GSG1L: variants seen among roughly 807,000 people sequenced by gnomAD.
GSG1L encodes the protein GSG1 like.
GSG1L carries 24 observed loss-of-function variants against 42.1 expected under a neutral mutation model. The ratio of observed to expected loss-of-function variants is 0.57; its 90% CI spans 0.41 to 0.80. The LOEUF is 0.80. Ranked by LOEUF, GSG1L falls within the 30% of genes least tolerant of loss-of-function variation. The pLI is 0.00. For synonymous variants in GSG1L, 215 were observed against 203.5 expected, an observed-to-expected ratio of 1.06 and a Z score of -0.48; for missense variants, 445 against 472.2, an observed-to-expected ratio of 0.94 and a Z score of 0.53.
intron 5 of GSG1L, among the ~76,000 whole-genome samples, chr16:27,810,716 C>T (rs1178403540): frequency 6.6e-6 from 1 of 151,238 alleles, no homozygotes; most frequent in Non-Finnish European, 1.5e-5. Context: ...TAGATGGAGT[C>T]TCACTCTGTT....
chr16:27,791,513 C>G, intron 6 of GSG1L, 46 bp from the exon 7 acceptor site: 1 of 1,332,290 alleles, frequency 7.5e-7, no homozygotes, highest in Non-Finnish European at 1.0e-6. Flanking sequence ...CCTTCCTCCA[C>G]CCACATCCTG....
At chr16:27,933,703 G>T (rs1311453809) in intron 2 of GSG1L, among the ~76,000 whole-genome samples, 1 of 146,726 alleles carries the variant, frequency 6.8e-6, no homozygotes, top group Non-Finnish European at 1.5e-5. Flanking sequence ...TAAAAAGTCT[G>T]AAGACTTCTT....
intron 1 of GSG1L, among the ~76,000 whole-genome samples, chr16:28,014,733 A>G (rs1052021561): frequency 4.2e-5 from 6 of 142,336 alleles, no homozygotes; most frequent in Non-Finnish European, 9.0e-5. Flanking sequence ...TCCTAGGCTC[A>G]GGCAATCCTC....
intron 1 of GSG1L, among the ~76,000 whole-genome samples, chr16:28,018,467 C>T (rs1469772217): frequency 6.6e-6 from 1 of 152,166 alleles, no homozygotes; most frequent in Non-Finnish European, 1.5e-5. Context: ...CATATGCCCC[C>T]ACATCCTTCC....
chr16:27,864,683 G>C (rs1236361296), intron 3 of GSG1L, among the ~76,000 whole-genome samples: 1 of 152,202 alleles, frequency 6.6e-6, no homozygotes, highest in Non-Finnish European at 1.5e-5. Flanking sequence ...GACAACCAGA[G>C]CCCAGACATG....
At chr16:27,856,701 A>G (rs1363155044) in intron 3 of GSG1L, among the ~76,000 whole-genome samples, 1 of 152,154 alleles carries the variant, frequency 6.6e-6, no homozygotes, top group African/African-American at 2.4e-5. Flanking sequence ...TCCAGTGGTG[A>G]TCTGAAGGTT....
At chr16:28,047,729 G>T (rs544202830) in intron 1 of GSG1L, among the ~76,000 whole-genome samples, 15 of 152,154 alleles carry the variant, frequency 9.9e-5, no homozygotes, top group Non-Finnish European at 1.8e-4. Context: ...CTTGACAAAA[G>T]ATAAAATCCA....
intron 2 of GSG1L, among the ~76,000 whole-genome samples, chr16:27,958,605 C>G (rs926700258): frequency 1.3e-5 from 2 of 152,006 alleles, no homozygotes; most frequent in East Asian, 3.9e-4. Flanking sequence ...CCAAACCATT[C>G]ATATTAAATA....
intron 1 of GSG1L, among the ~76,000 whole-genome samples, chr16:27,965,678 G>A (rs1015492864): frequency 1.3e-5 from 2 of 152,102 alleles, no homozygotes; most frequent in Admixed American, 6.5e-5. Flanking sequence ...TATCTCATTC[G>A]TGGCTCTAGC....
At chr16:27,982,233 A>C (rs911598784) in intron 1 of GSG1L, among the ~76,000 whole-genome samples, 3 of 152,228 alleles carry the variant, frequency 2.0e-5, no homozygotes, top group Non-Finnish European at 2.9e-5. Context: ...CAATGTGGTG[A>C]CACGCACCTG....
chr16:27,799,549 A>C (rs1205605925), intron 6 of GSG1L, among the ~76,000 whole-genome samples: 2 of 152,174 alleles, frequency 1.3e-5, no homozygotes, highest in African/African-American at 4.8e-5. Flanking sequence ...TATCTCAAAA[A>C]ACAAAACAAA....
intron 1 of GSG1L, among the ~76,000 whole-genome samples, chr16:27,999,815 T>C (rs2085562156): frequency 2.0e-5 from 3 of 152,328 alleles, no homozygotes; most frequent in Admixed American, 2.0e-4. Flanking sequence ...TTTTATGGTG[T>C]AGCTGCACCA....
chr16:27,865,671 TTG>T (rs2083716226), intron 3 of GSG1L, among the ~76,000 whole-genome samples: 1 of 149,100 alleles, frequency 6.7e-6, no homozygotes, highest in Non-Finnish European at 1.5e-5. Flanking sequence ...ATATATCTGT[TTG>T]TGCCCTAATC....
chr16:27,866,676 AT>A (rs1387752834), intron 3 of GSG1L, among the ~76,000 whole-genome samples: 1 of 152,004 alleles, frequency 6.6e-6, no homozygotes, highest in Non-Finnish European at 1.5e-5. Context: ...GGTTCAAGCC[AT>A]TTTCCTGCCT....
At chr16:27,989,407 G>A (rs1056297206) in intron 1 of GSG1L, among the ~76,000 whole-genome samples, 2 of 152,136 alleles carry the variant, frequency 1.3e-5, no homozygotes, top group African/African-American at 4.8e-5. Flanking sequence ...ATAGGCCCCT[G>A]AAAGGCCAAG....
chr16:27,833,551 T>C lies in GSG1L; in HGVS notation c.663-4595A>G, dbSNP rs181037570. Among the ~76,000 whole-genome samples the C allele has an allele frequency of 1.1e-4, 17 of 152,336 alleles. No homozygotes were observed. In the East Asian group the frequency reaches 2.7e-3, roughly 24 times the overall value. On this transcript the variant is annotated intron_variant, in intron 4 of 6. Transcript: ENST00000447459. ...TAAGAAATTTGATGTCTTCTCTATATACTGAGTGTTCTGATCCATGAACAT... is the reference window on the plus strand; with the variant it reads ...TAAGAAATTTGATGTCTTCTCTATACACTGAGTGTTCTGATCCATGAACAT...
chr16:28,056,034 C>T (rs1197268126), intron 1 of GSG1L, among the ~76,000 whole-genome samples: 1 of 152,132 alleles, frequency 6.6e-6, no homozygotes, highest in Non-Finnish European at 1.5e-5. Context: ...ACGGGAATGA[C>T]AGGCACGGAG....
intron 1 of GSG1L, among the ~76,000 whole-genome samples, chr16:28,036,146 G>A (rs916376117): frequency 5.3e-5 from 8 of 152,166 alleles, no homozygotes; most frequent in African/African-American, 1.9e-4. Flanking sequence ...TGGGCAACAC[G>A]TACAAAATGG....
chr16:27,912,144 G>A (rs1481811468), intron 2 of GSG1L, among the ~76,000 whole-genome samples: 1 of 152,134 alleles, frequency 6.6e-6, no homozygotes, highest in Non-Finnish European at 1.5e-5. Context: ...TCCTACCACT[G>A]TCTCACCATC....
Sources: allele counts gnomAD v4.1 joint callset (sites outside exome capture counted in the v4.1 genomes callset), GRCh38; gene constraint gnomAD v4.1.1; transcripts MANE v1.5; gene names NCBI Gene and HGNC (gene_info 2026-07-23, HGNC 2026-07-21).